MOBP: variants seen among roughly 807,000 people sequenced by gnomAD.
The protein encoded by MOBP is myelin associated oligodendrocyte basic protein.
In MOBP, 5 loss-of-function variants were observed where a neutral mutation model predicts 15.0. The observed-to-expected ratio is 0.33, with a 90% CI of 0.17 to 0.70. The LOEUF (loss-of-function observed/expected upper bound fraction) is 0.70, where lower values mean the gene tolerates loss of function less well. MOBP is among the 30% of genes least tolerant of loss of function. MOBP has a pLI of 0.67. For synonymous variants in MOBP, 88 were observed against 99.0 expected (o/e 0.89, Z 0.66); for missense variants, 188 against 257.8 (o/e 0.73, Z 1.85).
chr3:39,477,210 A>C (rs1224145221), intron 1 of MOBP, among the ~76,000 whole-genome samples: 1 of 152,130 alleles, frequency 6.6e-6, no homozygotes, highest in African/African-American at 2.4e-5. Context: ...ACAGCCTCTT[A>C]GCAAAAATTT....
chr3:39,469,061 CATATATACATATGTGTGTGTGTATA>C (rs2042412353), intron 1 of MOBP, among the ~76,000 whole-genome samples: 1 of 27,280 alleles, frequency 3.7e-5, no homozygotes, highest in Non-Finnish European at 6.9e-5. Flanking sequence ...TGTGTATATA[CATATATACATATGTGTGTGTGTATA>C]TACATATATA....
Position 39,468,992 on chromosome 3 carries a change from G to GTGTGTGTATATATACATATATACATA in MOBP, c.-89+1267_-89+1292dup, listed in dbSNP as rs1559411836. Reference sequence around the variant, plus strand: ...TGTGTATATATACATATATACATATGTGTGTGTATATATACATATATACAT... The same window carrying GTGTGTGTATATATACATATATACATA: ...TGTGTATATATACATATATACATATGTGTGTGTATATATACATATATACATATGTGTGTATATATACATATATACAT... On this transcript the variant is annotated intron_variant, in intron 1 of 3. Coordinates refer to ENST00000684792, the MANE Select transcript of MOBP (RefSeq NM_001393704.1). Among the ~76,000 whole-genome samples the GTGTGTGTATATATACATATATACATA allele has an allele frequency of 1.3e-4, 13 of 99,940 alleles. 1 individual carries two copies. The highest frequency in any genetic ancestry group is 8.5e-4 in the Admixed American group (9 of 10,528). The allele number at this position is 99,940 out of a possible 152,430, so 65.6% of individuals were successfully genotyped here.
Position 39,502,994 on chromosome 3 carries a change from TCAGCTCCCTC to T in MOBP, c.*117_*126del. The T allele has an allele frequency of 1.7e-6, 1 of 590,582 alleles. No homozygotes were observed. The highest frequency in any genetic ancestry group is 3.0e-6 in the Non-Finnish European group (1 of 338,706). 36.6% of individuals were successfully genotyped at this position (590,582 alleles called of 1,614,324 possible). On this transcript the variant is annotated 3_prime_UTR_variant, in exon 4 of 4. Coordinates refer to ENST00000684792, the MANE Select transcript of MOBP (RefSeq NM_001393704.1). This position sits in a 1 kb window ranked among gnomAD's most constrained non-coding sequence, Gnocchi z 6.3. ...CAGCCTTATTACCCAACCTGTGTAA[TCAGCTCCCTC>T]CATTAAATCCCCTCTGTTTGAAATA...
chr3:39,481,455 A>C (rs536221875), intron 2 of MOBP, among the ~76,000 whole-genome samples: 1 of 152,272 alleles, frequency 6.6e-6, no homozygotes, highest in African/African-American at 2.4e-5. Context: ...TTTCTCAAGA[A>C]TATTAATTAT....
At chr3:39,477,424 A>AC (rs2042558981) in intron 1 of MOBP, among the ~76,000 whole-genome samples, 1 of 151,694 alleles carries the variant, frequency 6.6e-6, no homozygotes, top group South Asian at 2.1e-4. Context: ...ACAACACATT[A>AC]CTCATCTGTT....
intron 2 of MOBP, among the ~76,000 whole-genome samples, chr3:39,496,954 C>T (rs975483931): frequency 1.1e-4 from 17 of 152,210 alleles, no homozygotes; most frequent in Non-Finnish European, 2.2e-4. Context: ...TTAGCCACCT[C>T]GCCCGGCCTG....
At chr3:39,486,922 CA>C (rs2125637982) in intron 2 of MOBP, among the ~76,000 whole-genome samples, 1 of 145,720 alleles carries the variant, frequency 6.9e-6, no homozygotes, top group South Asian at 2.1e-4. Flanking sequence ...TTTTGATGTA[CA>C]GTAGCTTTTT....
Position 39,502,359 on chromosome 3 carries a change from C to G in MOBP, c.206+84C>G. 2 of 1,585,632 alleles carry G rather than the reference C, an allele frequency of 1.3e-6. No homozygotes were observed. The highest frequency in any genetic ancestry group is 4.5e-5 in the East Asian group (2 of 44,288). ...AGCACGCCCCTCCCGCTCCGCACCC[C>G]ACTCTTCCCCCTAGTCGGCTCCGGG... On this transcript the variant is annotated intron_variant, in intron 3 of 3. Coordinates refer to ENST00000684792, the MANE Select transcript of MOBP (RefSeq NM_001393704.1). This position sits in a 1 kb window ranked among gnomAD's most constrained non-coding sequence, Gnocchi z 6.3.
rs760515239 is a variant in MOBP at position 39,502,542 on chromosome 3, C to T, written c.214C>T (p.Arg72Cys). Reference sequence around the variant, plus strand: ...TTCTTTTGGCCCTCTCAGAACCAGCCGCCGTGCCAAGTCCCCTCAGAGGCC... The same window carrying T: ...TTCTTTTGGCCCTCTCAGAACCAGCTGCCGTGCCAAGTCCCCTCAGAGGCC... ...CCACQKTRTS[R>C]RAKSPQRPKQ... The change falls in exon 4 of 4, where the codon CGC (arginine) becomes TGC (cysteine). Residue 72 changes from arginine to cysteine, a missense_variant. Arg to Cys is a radical substitution (Grantham distance 180). This residue lies in a region of MOBP where 133 missense variants were observed against 212.5 expected (regional missense o/e 0.63). Coordinates refer to ENST00000684792, the MANE Select transcript of MOBP (RefSeq NM_001393704.1). The surrounding 1 kb of genome is among the most constrained non-coding windows in gnomAD (Gnocchi z 6.3). 17 of 1,578,782 alleles carry T rather than the reference C, an allele frequency of 1.1e-5. No individual in the cohort carries two copies. The South Asian group carries it at 1.9e-4, about 18-fold the overall frequency.
downstream of MOBP, chr3:39,526,050 G>T (rs1239221081): frequency 6.6e-6 from 1 of 152,322 alleles, no homozygotes; most frequent in African/African-American, 2.4e-5. Flanking sequence ...GGTGGTGGTG[G>T]TGGTGAAACA....
downstream of MOBP, among the ~76,000 whole-genome samples, chr3:39,507,524 G>A (rs1021502857): frequency 3.9e-5 from 6 of 152,186 alleles, no homozygotes; most frequent in African/African-American, 1.4e-4. Flanking sequence ...AAAGTAGAGA[G>A]AGACCCATTA....
downstream of MOBP, chr3:39,529,174 G>T (rs1229678803): frequency 6.6e-6 from 1 of 152,194 alleles, no homozygotes; most frequent in Non-Finnish European, 1.5e-5. Flanking sequence ...AAAACAGTAT[G>T]TTGGTGAAGG....
intron 2 of MOBP, among the ~76,000 whole-genome samples, chr3:39,492,990 A>G (rs616147): frequency 0.76 from 114,977 of 152,156 alleles, 44,853 homozygotes; most frequent in African/African-American, 0.94. Context: ...TTCCTGTGAT[A>G]CCATGCAGAT....
At chr3:39,473,772 T>G (rs1320858566) in intron 1 of MOBP, among the ~76,000 whole-genome samples, 1 of 152,178 alleles carries the variant, frequency 6.6e-6, no homozygotes, top group African/African-American at 2.4e-5. Flanking sequence ...ATAAGATCAT[T>G]TCCCACAGAA....
At chr3:39,489,350 T>G (rs1319971071) in intron 2 of MOBP, among the ~76,000 whole-genome samples, 1 of 152,196 alleles carries the variant, frequency 6.6e-6, no homozygotes, top group African/African-American at 2.4e-5. Context: ...AATGTCTTCT[T>G]CTCTGTACCC....
At chr3:39,525,527 C>G (rs1251559358), downstream of MOBP, 2 of 152,336 alleles carry the variant, frequency 1.3e-5, no homozygotes, top group Non-Finnish European at 2.9e-5. Flanking sequence ...CAGTCTTGTG[C>G]TAGGAGCTGG....
rs2125655865 is a variant in MOBP at position 39,502,023 on chromosome 3, G to T, written c.-4-43G>T. The stretch of plus-strand genomic sequence containing the variant: ...AGTAGAGGGCTCCCTTTCCTGATGT[G>T]CGTTTATGTCTCCTCCTGTCTCCTT... On this transcript the variant is annotated intron_variant, in intron 2 of 3. Coordinates refer to ENST00000684792, the MANE Select transcript of MOBP (RefSeq NM_001393704.1). The surrounding 1 kb of genome is among the most constrained non-coding windows in gnomAD (Gnocchi z 6.3). 1 of 1,541,054 alleles carries T rather than the reference G, an allele frequency of 6.5e-7. No homozygotes were observed. The highest frequency in any genetic ancestry group is 2.2e-5 in the East Asian group (1 of 44,530).
chr3:39,467,882 A>G (rs1409211995), intron 1 of MOBP, 142 bp downstream of exon 1: 1 of 152,186 alleles, frequency 6.6e-6, no homozygotes, highest in Non-Finnish European at 1.5e-5. Context: ...GAGGACATAC[A>G]AGGATGGAGA....
intron 4 of MOBP, among the ~76,000 whole-genome samples, chr3:39,510,963 G>T (rs533283067): frequency 5.9e-5 from 9 of 152,286 alleles, no homozygotes; most frequent in Non-Finnish European, 1.3e-4. Flanking sequence ...TTATTCCTGT[G>T]CTTTCTTTAT....
Sources: allele counts gnomAD v4.1 joint callset (sites outside exome capture counted in the v4.1 genomes callset), GRCh38; gene constraint gnomAD v4.1.1; regional missense constraint gnomAD v4.1.1; non-coding constraint Gnocchi (gnomAD v3.1); transcripts MANE v1.5; gene names NCBI Gene and HGNC (gene_info 2026-07-23, HGNC 2026-07-21).